Variants in SLC24A3 observed in about 807,000 individuals in gnomAD.
The protein encoded by SLC24A3 is sodium/potassium/calcium exchanger 3.
In SLC24A3, 28 loss-of-function variants were observed where a neutral mutation model predicts 75.8. The ratio of observed to expected loss-of-function variants is 0.37; its 90% CI spans 0.27 to 0.51. The LOEUF is 0.51. Among genes scored for constraint, SLC24A3 ranks in the 20% least tolerant of loss-of-function variants. SLC24A3 has a pLI of 0.94. For synonymous variants in SLC24A3, 372 were observed against 334.1 expected (o/e 1.11, Z -1.24); for missense variants, 663 against 847.8 (o/e 0.78, Z 2.71).
intron 6 of SLC24A3, among the ~76,000 whole-genome samples, chr20:19,641,248 A>C (rs186350431): frequency 9.8e-4 from 149 of 152,242 alleles, no homozygotes; most frequent in African/African-American, 3.5e-3. Flanking sequence ...TACCCATCTG[A>C]GATCTCTGTC....
chr20:19,636,029 A>G (rs561311467), intron 6 of SLC24A3, among the ~76,000 whole-genome samples: 293 of 152,288 alleles, frequency 1.9e-3, no homozygotes, highest in African/African-American at 6.9e-3. Flanking sequence ...GGTCCCAGCT[A>G]CTTGGGAGGC....
intron 6 of SLC24A3, 58 bp downstream of exon 6, chr20:19,585,602 T>C: frequency 6.6e-7 from 1 of 1,520,950 alleles, no homozygotes; most frequent in Non-Finnish European, 9.1e-7. Context: ...AGGGGAGGCA[T>C]GGAGTTTAGG....
intron 6 of SLC24A3, among the ~76,000 whole-genome samples, chr20:19,616,588 C>A (rs2031739490): frequency 6.6e-6 from 1 of 152,154 alleles, no homozygotes; most frequent in African/African-American, 2.4e-5. Flanking sequence ...TGGGGCCACC[C>A]AAACAGTAGG....
chr20:19,475,057 G>T (rs1877826196), intron 2 of SLC24A3, among the ~76,000 whole-genome samples: 1 of 152,162 alleles, frequency 6.6e-6, no homozygotes, highest in African/African-American at 2.4e-5. Context: ...ATCACATCCA[G>T]GCTGGGCGCG....
chr20:19,480,968 C>T (rs982105481), intron 2 of SLC24A3, among the ~76,000 whole-genome samples: 3 of 152,162 alleles, frequency 2.0e-5, no homozygotes, highest in Non-Finnish European at 2.9e-5. Context: ...ACTTTGGGTT[C>T]TTGACAGGAA....
At chr20:19,363,668 A>G (rs1985833363) in intron 2 of SLC24A3, among the ~76,000 whole-genome samples, 1 of 152,080 alleles carries the variant, frequency 6.6e-6, no homozygotes, top group South Asian at 2.1e-4. Context: ...AAGAACACAC[A>G]CCCTCGTGTG....
rs747623530 is a variant in SLC24A3 at position 19,313,028 on chromosome 20, CTTTTTTTTT to C, written c.271+31959_271+31967del. ...TTCAAGTATTCTTCCTTTTCTCTTG[CTTTTTTTTT>C]TTTTTTTTTTTTTTTTTGACATGGA... is the stretch of plus-strand genomic sequence containing the variant. On this transcript the variant is annotated intron_variant, in intron 2 of 16. Transcript: ENST00000328041. 2.7e-3 allele frequency among the ~76,000 whole-genome samples: 185 copies of C among 68,318 alleles called. 1 individual carries two copies. Among genetic ancestry groups the C allele is most frequent in the Middle Eastern group, 0.012 (1 of 86 alleles). 44.8% of individuals were successfully genotyped at this position (68,318 alleles called of 152,430 possible).
intron 6 of SLC24A3, among the ~76,000 whole-genome samples, chr20:19,607,559 G>T (rs2122659505): frequency 6.6e-6 from 1 of 152,300 alleles, no homozygotes; most frequent in South Asian, 2.1e-4. Flanking sequence ...CTGGTACATT[G>T]GGTGCACCTT....
At chr20:19,361,614 C>T (rs1985790417) in intron 2 of SLC24A3, among the ~76,000 whole-genome samples, 2 of 152,158 alleles carry the variant, frequency 1.3e-5, no homozygotes, top group Admixed American at 6.5e-5. Context: ...CAGATTTGTA[C>T]ATTTTATTGT....
chr20:19,237,820 T>C (rs756003583), intron 1 of SLC24A3, among the ~76,000 whole-genome samples: 5 of 152,068 alleles, frequency 3.3e-5, no homozygotes, highest in Non-Finnish European at 7.4e-5. Context: ...CTCCCCCTTT[T>C]TCCTCGCAGC....
intron 2 of SLC24A3, among the ~76,000 whole-genome samples, chr20:19,356,581 C>A (rs1298895024): frequency 6.6e-6 from 1 of 152,134 alleles, no homozygotes; most frequent in Non-Finnish European, 1.5e-5. Flanking sequence ...GGTAAGCTAG[C>A]TATTTTGTTG....
At chr20:19,577,658 C>T (rs900691919) in intron 3 of SLC24A3, among the ~76,000 whole-genome samples, 1 of 152,106 alleles carries the variant, frequency 6.6e-6, no homozygotes, top group Non-Finnish European at 1.5e-5. Flanking sequence ...CTTACAAACT[C>T]TTATATGCAA....
intron 2 of SLC24A3, among the ~76,000 whole-genome samples, chr20:19,492,481 T>C (rs1388500208): frequency 1.3e-5 from 2 of 152,180 alleles, no homozygotes; most frequent in Non-Finnish European, 2.9e-5. Flanking sequence ...GCTCAGTCCA[T>C]GGGAGTTCTT....
intron 2 of SLC24A3, among the ~76,000 whole-genome samples, chr20:19,341,197 G>A (rs1985265549): frequency 6.6e-6 from 1 of 152,224 alleles, no homozygotes; most frequent in Non-Finnish European, 1.5e-5. Context: ...ACCACAGTAG[G>A]CAAACCAGCA....
At chr20:19,279,720 C>T (rs899510841) in intron 1 of SLC24A3, among the ~76,000 whole-genome samples, 6 of 152,180 alleles carry the variant, frequency 3.9e-5, no homozygotes, top group Non-Finnish European at 5.9e-5. Context: ...GATGACTTCC[C>T]TGAGGCTTGC....
intron 2 of SLC24A3, among the ~76,000 whole-genome samples, chr20:19,387,071 G>T (rs1205849204): frequency 6.6e-6 from 1 of 152,006 alleles, no homozygotes; most frequent in Admixed American, 6.5e-5. Context: ...ATTTAGTGTT[G>T]TTAGATTGTA....
intron 2 of SLC24A3, among the ~76,000 whole-genome samples, chr20:19,419,074 T>C (rs551692090): frequency 6.6e-6 from 1 of 152,368 alleles, no homozygotes; most frequent in East Asian, 1.9e-4. Flanking sequence ...ATTTTGTCTT[T>C]CATGTAAAAC....
intron 2 of SLC24A3, among the ~76,000 whole-genome samples, chr20:19,335,233 T>C (rs1985103207): frequency 6.6e-6 from 1 of 152,222 alleles, no homozygotes; most frequent in African/African-American, 2.4e-5. Flanking sequence ...AAGTTAGGAA[T>C]TAAGAGGGCT....
At chr20:19,213,015 G>C in intron 1 of SLC24A3, 31 bp downstream of exon 1, 1 of 1,232,566 alleles carries the variant, frequency 8.1e-7, no homozygotes, top group Non-Finnish European at 1.0e-6. Flanking sequence ...CCGAGTGGGC[G>C]CTGCGGCTCC....
Sources: allele counts gnomAD v4.1 joint callset (sites outside exome capture counted in the v4.1 genomes callset), GRCh38; gene constraint gnomAD v4.1.1; transcripts MANE v1.5; gene names NCBI Gene and HGNC (gene_info 2026-07-23, HGNC 2026-07-21).